GAL: variants seen among roughly 807,000 people sequenced by gnomAD.
GAL encodes the protein galanin and GMAP prepropeptide.
Under a neutral mutation model 15.8 loss-of-function variants are expected in GAL, and 14 were observed. That is an observed-to-expected ratio of 0.89 (90% confidence interval 0.59 to 1.39). GAL has a LOEUF of 1.39. Ranked by LOEUF, GAL falls within the 40% of genes most tolerant of loss-of-function variation. The probability of loss-of-function intolerance (pLI) is 0.00; values close to 1 mark genes in which losing one functional copy is unlikely to be tolerated. For synonymous variants in GAL, 79 were observed against 73.8 expected, an observed-to-expected ratio of 1.07 and a Z score of -0.36; for missense variants, 176 against 170.4, an observed-to-expected ratio of 1.03 and a Z score of -0.18.
At position 68,684,694 on chromosome 11, in the gene GAL, A is replaced by C; in HGVS notation, c.-39A>C. ...CGCCCAGACCCGCCACCGCACCCGG[A>C]CCCCGACGCTCCGAACCCGGGCGCA... is the stretch of plus-strand genomic sequence containing the variant. On this transcript the variant is annotated 5_prime_UTR_variant, in exon 1 of 6. Transcript: ENST00000265643. The C allele has an allele frequency of 2.5e-6, 1 of 399,046 alleles. No individual in the cohort carries two copies. Among genetic ancestry groups the C allele is most frequent in the Non-Finnish European group, 4.4e-6 (1 of 225,622 alleles). 24.7% of individuals were successfully genotyped at this position (399,046 alleles called of 1,614,324 possible). A position where few individuals can be genotyped will look rare whatever the true frequency, so the allele number is the denominator to read the frequency against.
intron 5 of GAL, 140 bp from the exon 6 acceptor site, chr11:68,690,777 T>C (rs1945897348): frequency 1.5e-6 from 1 of 661,764 alleles, no homozygotes; most frequent in South Asian, 1.7e-5. Context: ...CAGAGTGTTG[T>C]CCCTGATTCT....
rs578193461 is a variant in GAL at position 68,684,930 on chromosome 11, C to T, written c.7C>T (p.Arg3Ter). 31 of 1,605,596 alleles carry T rather than the reference C, an allele frequency of 1.9e-5. No individual in the cohort carries two copies. Among genetic ancestry groups the T allele is most frequent in the Non-Finnish European group, 3.4e-6 (4 of 1,175,572 alleles). The change falls in exon 2 of 6, where the codon CGA becomes TGA. Residue 3 changes from arginine to a stop codon, truncating the protein, a stop_gained. Transcript: ENST00000265643. LOFTEE classifies it high-confidence loss of function. MA[R>*]GSALLLASLL... is the part of the protein sequence containing the mutation. ...CCCTGTCCTTCCCTTCCAGATGGCC[C>T]GAGGCAGCGCCCTCCTGCTCGCCTC...
chr11:68,691,082 T>A lies in GAL; in HGVS notation c.*95T>A, dbSNP rs1945900976. The A allele has an allele frequency of 1.3e-6, 1 of 791,150 alleles. No homozygotes were observed. Among genetic ancestry groups the A allele is most frequent in the Admixed American group, 1.8e-5 (1 of 54,606 alleles). The allele number at this position is 791,150 out of a possible 1,614,324, so 49.0% of individuals were successfully genotyped here. A position where few individuals can be genotyped will look rare whatever the true frequency, so the allele number is the denominator to read the frequency against. The stretch of plus-strand genomic sequence containing the variant: ...GGCCAATTTATGCAGAGTCAGCCAT[T>A]CCTGTTCTCTTTGCCTTGATGTTGT... On this transcript the variant is annotated 3_prime_UTR_variant, in exon 6 of 6. Transcript: ENST00000265643.
chr11:68,689,134 A>G (rs1233551659), intron 5 of GAL, among the ~76,000 whole-genome samples: 1 of 152,108 alleles, frequency 6.6e-6, no homozygotes, highest in Non-Finnish European at 1.5e-5. Flanking sequence ...GGGGCATTCT[A>G]CCGTCGTGGA....
chr11:68,689,030 T>C, intron 5 of GAL, 104 bp downstream of exon 5: 1 of 677,696 alleles, frequency 1.5e-6, no homozygotes, highest in Middle Eastern at 2.4e-4. Flanking sequence ...AAGTAGCCGA[T>C]TACTTATCTA....
rs1438135521 is a variant in GAL, at chr11:68,688,877, C to T, written c.252C>T (p.Asn84=). 13 of 1,572,428 alleles carry T rather than the reference C, an allele frequency of 8.3e-6. No individual in the cohort carries two copies. The highest frequency in any genetic ancestry group is 1.1e-5 in the Non-Finnish European group (13 of 1,142,150). ...PGSFDRSIPE[N]NIMRTIIEFL... The stretch of plus-strand genomic sequence containing the variant: ...GCTTTGACAGGTCCATACCTGAAAA[C>T]AATATCATGCGCACAATCATTGAGT... Residue 84 remains asparagine, a synonymous_variant, in exon 5 of 6, where the codon AAC becomes AAT. Transcript: ENST00000265643.
At chr11:68,686,749 G>A (rs1945857317) in intron 3 of GAL, among the ~76,000 whole-genome samples, 1 of 152,168 alleles carries the variant, frequency 6.6e-6, no homozygotes, top group African/African-American at 2.4e-5. Flanking sequence ...CCTGCCTGAG[G>A]GTCGGCTGAT....
Position 68,684,661 on chromosome 11 carries a change from G to GGAACTGCCGCCCA in GAL, c.-70_-69insACTGCCGCCCAGA. 1 of 354,988 alleles carries GGAACTGCCGCCCA rather than the reference G, an allele frequency of 2.8e-6. No homozygotes were observed. The highest frequency in any genetic ancestry group is 5.0e-6 in the Non-Finnish European group (1 of 198,388). 22.0% of individuals were successfully genotyped at this position (354,988 alleles called of 1,614,324 possible). A position where few individuals can be genotyped will look rare whatever the true frequency, so the allele number is the denominator to read the frequency against. On this transcript the variant is annotated 5_prime_UTR_variant, in exon 1 of 6. Transcript: ENST00000265643. Reference sequence around the variant, plus strand: ...GCCCACCCGACCCGGCCCGACGCCCGGACCTGCCGCCCAGACCCGCCACCG... The same window carrying GGAACTGCCGCCCA: ...GCCCACCCGACCCGGCCCGACGCCCGGAACTGCCGCCCAGACCTGCCGCCCAGACCCGCCACCG...
intron 2 of GAL, 29 bp downstream of exon 2, chr11:68,685,033 G>C: frequency 1.4e-6 from 2 of 1,478,804 alleles, no homozygotes; most frequent in Non-Finnish European, 1.9e-6. Context: ...TCCTCCGAGC[G>C]AAGGGGACAT....
intron 3 of GAL, among the ~76,000 whole-genome samples, chr11:68,686,503 T>C (rs571239146): frequency 1.1e-4 from 16 of 152,332 alleles, no homozygotes; most frequent in Admixed American, 7.8e-4. Context: ...CTTCTCCCCA[T>C]GCCAAGGAAA....
In GAL at chr11:68,684,998, G is replaced by A. The variant is rs1304126380; in HGVS notation, c.75G>A (p.Trp25Ter). Residue 25 changes from tryptophan to a stop codon, truncating the protein, a stop_gained, in exon 2 of 6, where the codon TGG (tryptophan) becomes TGA (stop). Coordinates refer to ENST00000265643, the MANE Select transcript of GAL (RefSeq NM_015973.5). LOFTEE classifies it high-confidence loss of function. Reference protein sequence around the residue: ...AAALSASAGLWSPAKEKRGWT... With the variant: ...AAALSASAGL ...CCCTTTCTGCCTCTGCGGGGCTCTG[G>A]TCGCCGGTAAGTGCGGGGCGCGTCT... The A allele has an allele frequency of 2.5e-6, 4 of 1,596,912 alleles. No homozygotes were observed. Among genetic ancestry groups the A allele is most frequent in the Non-Finnish European group, 3.4e-6 (4 of 1,170,980 alleles).
chr11:68,691,003 G>C lies in GAL; in HGVS notation c.*16G>C. 6.6e-7 allele frequency: 1 copy of C among 1,517,020 alleles called. No homozygotes were observed. Among genetic ancestry groups the C allele is most frequent in the Non-Finnish European group, 9.2e-7 (1 of 1,091,452 alleles). 94.0% of individuals were successfully genotyped at this position (1,517,020 alleles called of 1,614,324 possible). A position where few individuals can be genotyped will look rare whatever the true frequency, so the allele number is the denominator to read the frequency against. ...GCGGTCCTGAGAGCCTCCTGGGCAT[G>C]TTTGTCTGTGTGCTGTAACCTGAAG... On this transcript the variant is annotated 3_prime_UTR_variant, in exon 6 of 6. Transcript: ENST00000265643.
chr11:68,688,182 C>T (rs761932945), intron 4 of GAL, 82 bp downstream of exon 4: 17 of 863,864 alleles, frequency 2.0e-5, no homozygotes, highest in African/African-American at 4.9e-5. Context: ...CTGTGGGTGT[C>T]GGGGCTGTCC....
chr11:68,688,650 G>A (rs1945877031), intron 4 of GAL, among the ~76,000 whole-genome samples, 199 bp from the exon 5 acceptor site: 2 of 151,896 alleles, frequency 1.3e-5, no homozygotes, highest in South Asian at 2.1e-4. Context: ...AGAAGAAGAA[G>A]AAAAGCGAGG....
chr11:68,688,545 C>G (rs868032496), intron 4 of GAL, among the ~76,000 whole-genome samples: 15 of 152,330 alleles, frequency 9.8e-5, no homozygotes, highest in Middle Eastern at 3.4e-3. Flanking sequence ...TCGAGAATCA[C>G]TTGAACCTGG....
At chr11:68,686,498 C>T (rs1945853802) in intron 3 of GAL, among the ~76,000 whole-genome samples, 1 of 152,232 alleles carries the variant, frequency 6.6e-6, no homozygotes, top group Admixed American at 6.5e-5. Context: ...GTGCTCTTCT[C>T]CCCATGCCAA....
rs746262791 is a variant in GAL at position 68,684,904 on chromosome 11, G to A, written c.1-20G>A. The stretch of plus-strand genomic sequence containing the variant: ...GCCCACTCCGGGTTCCGACCCGCCC[G>A]CCCTGTCCTTCCCTTCCAGATGGCC... On this transcript the variant is annotated intron_variant, in intron 1 of 5. Transcript: ENST00000265643. 5 of 1,535,054 alleles carry A rather than the reference G, an allele frequency of 3.3e-6. No individual in the cohort carries two copies. The highest frequency in any genetic ancestry group is 1.9e-4 in the Middle Eastern group (1 of 5,288).
chr11:68,686,977 A>G (rs558635671), intron 3 of GAL, among the ~76,000 whole-genome samples: 1 of 152,310 alleles, frequency 6.6e-6, no homozygotes, highest in East Asian at 1.9e-4. Context: ...CTGTAGCTAG[A>G]CGAGTTGTTT....
Position 68,685,444 on chromosome 11 carries a change from G to T in GAL, c.82-150G>T. 3 of 656,330 alleles carry T rather than the reference G, an allele frequency of 4.6e-6. No individual in the cohort carries two copies. In the East Asian group the frequency reaches 8.2e-5, roughly 18 times the overall value. 40.7% of individuals were successfully genotyped at this position (656,330 alleles called of 1,614,324 possible). ...TTCCATTTTCATGTCAAATATAGCC[G>T]ACTTAGGGGTAAACCTGGAATTTCG... On this transcript the variant is annotated intron_variant, in intron 2 of 5. Coordinates refer to ENST00000265643, the MANE Select transcript of GAL (RefSeq NM_015973.5).
Sources: allele counts gnomAD v4.1 joint callset (sites outside exome capture counted in the v4.1 genomes callset), GRCh38; gene constraint gnomAD v4.1.1; transcripts MANE v1.5; gene names NCBI Gene and HGNC (gene_info 2026-07-23, HGNC 2026-07-21).